COL16A1: variants seen among roughly 807,000 people sequenced by gnomAD.
COL16A1 encodes collagen alpha-1(XVI) chain.
In COL16A1, 189 loss-of-function variants were observed where a neutral mutation model predicts 266.3. The ratio of observed to expected loss-of-function variants is 0.71; its 90% CI spans 0.63 to 0.80. COL16A1 has a LOEUF of 0.80. Ranked by LOEUF, COL16A1 falls within the 30% of genes least tolerant of loss-of-function variation. COL16A1 has a pLI of 0.00. For synonymous variants in COL16A1, 740 were observed against 782.3 expected (o/e 0.95, Z 0.90); for missense variants, 1,928 against 2,122.4 (o/e 0.91, Z 1.80).
Position 31,653,581 on chromosome 1 carries a change from A to C in COL16A1, c.4612+18T>G. On this transcript the variant is annotated intron_variant, in intron 70 of 70. Transcript: ENST00000373672. ...CTGCTGCTCTGGATTCATGGTCTCA[A>C]ATGGTGGTATTTCCTACCTGGGGGG... 3.7e-6 allele frequency: 6 copies of C among 1,611,718 alleles called. No individual in the cohort carries two copies. Among genetic ancestry groups the C allele is most frequent in the Non-Finnish European group, 5.1e-6 (6 of 1,178,812 alleles).
intron 42 of COL16A1, chr1:31,679,301 CAT>C (rs1643424761): frequency 1.8e-6 from 2 of 1,087,408 alleles, no homozygotes; most frequent in East Asian, 5.2e-5. Flanking sequence ...TGCAAAAACA[CAT>C]GTTGCATGAA....
intron 14 of COL16A1, 55 bp downstream of exon 14, chr1:31,692,711 TC>T: frequency 1.2e-6 from 2 of 1,612,616 alleles, no homozygotes; most frequent in South Asian, 1.1e-5. Flanking sequence ...GCACAGTCCC[TC>T]CCCAGGGGCT....
rs369128729 is a variant in COL16A1 at position 31,652,556 on chromosome 1, C to CAA, written c.*93_*94dup. On this transcript the variant is annotated 3_prime_UTR_variant, in exon 71 of 71. Transcript: ENST00000373672. The surrounding 1 kb of genome is among the most constrained non-coding windows in gnomAD (Gnocchi z 4.8). Reference sequence around the variant, plus strand: ...TAACAGCAATTAAAAACAACAACAACAACAAAAAAAACATTCACAACCTGT... The same window carrying CAA: ...TAACAGCAATTAAAAACAACAACAACAAAACAAAAAAAACATTCACAACCTGT... 1,176 of 1,076,684 alleles carry CAA rather than the reference C, an allele frequency of 1.1e-3. 7 individuals carry two copies. The African/African-American group carries it at 0.015, about 14-fold the overall frequency. 66.7% of individuals were successfully genotyped at this position (1,076,684 alleles called of 1,614,324 possible). A position where few individuals can be genotyped will look rare whatever the true frequency, so the allele number is the denominator to read the frequency against.
In COL16A1 at chr1:31,680,934, G is replaced by A. The variant is rs1258441441; in HGVS notation, c.2584-3C>T. On this transcript the variant is annotated splice_region_variant and splice_polypyrimidine_tract_variant and intron_variant, in intron 38 of 70. Transcript: ENST00000373672. ...TCTCCTCGTGGTCCTTTTTCACCCT[G>A]CAGGGAAGAAACACAGGAAGGTGAG... The A allele has an allele frequency of 3.1e-6, 5 of 1,614,164 alleles. No individual in the cohort carries two copies. Among genetic ancestry groups the A allele is most frequent in the Non-Finnish European group, 4.2e-6 (5 of 1,180,014 alleles).
chr1:31,675,805 C>T (rs565196429), intron 42 of COL16A1, among the ~76,000 whole-genome samples: 2 of 152,232 alleles, frequency 1.3e-5, no homozygotes, highest in African/African-American at 4.8e-5. Flanking sequence ...GGACTAGAGG[C>T]GCTCACCACC....
chr1:31,673,550 C>T (rs1642922550), intron 44 of COL16A1, among the ~76,000 whole-genome samples: 1 of 152,276 alleles, frequency 6.6e-6, no homozygotes, highest in African/African-American at 2.4e-5. Context: ...TTTCACTGCT[C>T]ACCACCAAGC....
intron 62 of COL16A1, 119 bp downstream of exon 62, chr1:31,660,466 C>CCA: frequency 7.2e-7 from 1 of 1,384,436 alleles, no homozygotes; most frequent in Non-Finnish European, 9.8e-7. Flanking sequence ...CCCCGTGCTC[C>CCA]CACGGCTGGG....
chr1:31,677,753 T>TC (rs1643309059), intron 42 of COL16A1, among the ~76,000 whole-genome samples: 1 of 152,176 alleles, frequency 6.6e-6, no homozygotes, highest in Non-Finnish European at 1.5e-5. Context: ...CCCTCCTGCA[T>TC]CCCACCTGGC....
At chr1:31,673,406 C>A (rs1642911671) in intron 44 of COL16A1, among the ~76,000 whole-genome samples, 1 of 152,202 alleles carries the variant, frequency 6.6e-6, no homozygotes, top group Non-Finnish European at 1.5e-5. Context: ...TTGATGGAAG[C>A]TATGGGTCCT....
chr1:31,698,661 C>T lies in COL16A1; in HGVS notation c.267-55G>A. The T allele has an allele frequency of 6.2e-7, 1 of 1,600,268 alleles. No homozygotes were observed. The highest frequency in any genetic ancestry group is 1.3e-5 in the African/African-American group (1 of 74,930). ...GGCTCCAATGAGGACCCAAATGCTG[C>T]CCACCCTGAGCCCTCAGGACTGCTG... On this transcript the variant is annotated intron_variant, in intron 4 of 70. Transcript: ENST00000373672. This position sits in a 1 kb window ranked among gnomAD's most constrained non-coding sequence, Gnocchi z 4.1.
In COL16A1 at chr1:31,681,258, C is replaced by T. The variant is rs76568835; in HGVS notation, c.2539-191G>A. On this transcript the variant is annotated intron_variant, in intron 37 of 70. Coordinates refer to ENST00000373672, the MANE Select transcript of COL16A1 (RefSeq NM_001856.4). ...GAAGAAGACTGGCATTTCCTGAGCACGTCTCAGTGCCAGCCACTGGGCCAA... is the reference window on the plus strand; with the variant it reads ...GAAGAAGACTGGCATTTCCTGAGCATGTCTCAGTGCCAGCCACTGGGCCAA... 3.7e-4 allele frequency among the ~76,000 whole-genome samples: 56 copies of T among 152,370 alleles called. 1 individual carries two copies. In the East Asian group the frequency reaches 8.9e-3, roughly 24 times the overall value.
intron 68 of COL16A1, 140 bp from the exon 69 acceptor site, chr1:31,654,183 G>A: frequency 2.3e-6 from 3 of 1,309,634 alleles, no homozygotes; most frequent in Non-Finnish European, 3.1e-6. Flanking sequence ...AGGAGTATGG[G>A]GGTGGGTCTC....
chr1:31,694,726 C>T (rs530210797), intron 11 of COL16A1, among the ~76,000 whole-genome samples: 2 of 152,266 alleles, frequency 1.3e-5, no homozygotes, highest in East Asian at 3.9e-4. Context: ...CCCTTCTGGA[C>T]CCCCATAGGA....
At chr1:31,672,050 G>A (rs1391067259) in intron 47 of COL16A1, among the ~76,000 whole-genome samples, 1 of 152,214 alleles carries the variant, frequency 6.6e-6, no homozygotes, top group Non-Finnish European at 1.5e-5. Flanking sequence ...CAGGATGTTG[G>A]ATGGTGATGA....
Position 31,656,795 on chromosome 1 carries a change from T to C in COL16A1, c.4056+238A>G, listed in dbSNP as rs1641198668. ...ATTATCATTATTATTGTTGTTGTTG[T>C]TGTTTCTTTTTGACCAGGTACAGGG... On this transcript the variant is annotated intron_variant, in intron 65 of 70. Coordinates refer to ENST00000373672, the MANE Select transcript of COL16A1 (RefSeq NM_001856.4). This position sits in a 1 kb window ranked among gnomAD's most constrained non-coding sequence, Gnocchi z 4.2. 2 of 565,270 alleles carry C rather than the reference T, an allele frequency of 3.5e-6. No individual in the cohort carries two copies. The highest frequency in any genetic ancestry group is 6.5e-5 in the Admixed American group (2 of 30,858). The allele number at this position is 565,270 out of a possible 1,614,324, so 35.0% of individuals were successfully genotyped here.
At position 31,663,168 on chromosome 1, in the gene COL16A1, A is replaced by T. The variant is rs1298028660; in HGVS notation, c.3556-510T>A. On this transcript the variant is annotated intron_variant, in intron 56 of 70. Transcript: ENST00000373672. The surrounding 1 kb of genome is among the most constrained non-coding windows in gnomAD (Gnocchi z 4.9). ...AAAGTGGGTGCCCCTGTCCTCAAGG[A>T]GCTCACAGTCCAGTGAGGGTCATGG... is the stretch of plus-strand genomic sequence containing the variant. 1 of 171,404 alleles carries T rather than the reference A, an allele frequency of 5.8e-6. No homozygotes were observed. Among genetic ancestry groups the T allele is most frequent in the Non-Finnish European group, 1.3e-5 (1 of 78,474 alleles). 10.6% of individuals were successfully genotyped at this position (171,404 alleles called of 1,614,324 possible).
chr1:31,683,977 T>A lies in COL16A1; in HGVS notation c.2310A>T (p.Gln770His). 1 of 1,614,156 alleles carries A rather than the reference T, an allele frequency of 6.2e-7. No homozygotes were observed. The highest frequency in any genetic ancestry group is 8.5e-7 in the Non-Finnish European group (1 of 1,180,004). ...KPGQPGLPGV[Q>H]GPPGLKGVQG... is the part of the protein sequence containing the mutation. ...GCACGCCCTTCAGTCCTGGGGGCCC[T>A]TGAACTCCTGGTAGACCGGGTTGGC... Residue 770 changes from glutamine to histidine, a missense_variant, in exon 33 of 71, where the codon CAA becomes CAT. By Grantham distance (24) the Gln-to-His change is conservative. This residue lies in a region of COL16A1 where 1,552 missense variants were observed against 1,637.2 expected (regional missense o/e 0.95). Coordinates refer to ENST00000373672, the MANE Select transcript of COL16A1 (RefSeq NM_001856.4).
At chr1:31,672,028 GAAGT>G (rs1222681644) in intron 47 of COL16A1, among the ~76,000 whole-genome samples, 1 of 152,192 alleles carries the variant, frequency 6.6e-6, no homozygotes, top group East Asian at 1.9e-4. Flanking sequence ...GTTCCTGAAT[GAAGT>G]AAATAGGCAG....
chr1:31,683,833 T>C, intron 33 of COL16A1, 85 bp from the exon 34 acceptor site: 1 of 1,608,362 alleles, frequency 6.2e-7, no homozygotes, highest in Non-Finnish European at 8.5e-7. Context: ...CTCCAGCTTC[T>C]TCCTGCCCTG....
Sources: allele counts gnomAD v4.1 joint callset (sites outside exome capture counted in the v4.1 genomes callset), GRCh38; gene constraint gnomAD v4.1.1; regional missense constraint gnomAD v4.1.1; non-coding constraint Gnocchi (gnomAD v3.1); transcripts MANE v1.5; gene names NCBI Gene and HGNC (gene_info 2026-07-23, HGNC 2026-07-21).